Variants in TEAD4 observed in about 807,000 individuals in gnomAD.
TEAD4 encodes the protein TEA domain transcription factor 4, also known as transcriptional enhancer factor TEF-3.
Under a neutral mutation model 52.4 loss-of-function variants are expected in TEAD4, and 36 were observed. The observed-to-expected ratio is 0.69, with a 90% CI of 0.53 to 0.91. The LOEUF is 0.91. TEAD4 is among the 40% of genes least tolerant of loss of function. TEAD4 has a pLI of 0.00. For missense variants in TEAD4, 508 were observed against 583.9 expected, an observed-to-expected ratio of 0.87 and a Z score of 1.34; for synonymous variants, 220 against 231.0, an observed-to-expected ratio of 0.95 and a Z score of 0.43.
At chr12:2,988,785 C>T (rs1478101772) in intron 2 of TEAD4, among the ~76,000 whole-genome samples, 2 of 152,076 alleles carry the variant, frequency 1.3e-5, no homozygotes, top group Non-Finnish European at 2.9e-5. Context: ...TTTAATCAGT[C>T]ATGCCTATGT....
chr12:3,038,009 C>T lies in TEAD4; in HGVS notation c.939C>T (p.Phe313=), dbSNP rs773627938. The change falls in exon 11 of 13, where the codon TTC becomes TTT. Residue 313 remains phenylalanine, a synonymous_variant. Transcript: ENST00000359864. ...ACATCGAGGATGAAGGCAGCTCCTT[C>T]TATGGGGTCTCCAGCCAGTATGAGA... 1 of 1,614,180 alleles carries T rather than the reference C, an allele frequency of 6.2e-7. No individual in the cohort carries two copies. Among genetic ancestry groups the T allele is most frequent in the South Asian group, 1.1e-5 (1 of 91,070 alleles).
intron 2 of TEAD4, among the ~76,000 whole-genome samples, chr12:2,971,252 AGAG>A (rs1019921447): frequency 6.6e-6 from 1 of 152,112 alleles, no homozygotes; most frequent in African/African-American, 2.4e-5. Context: ...TTCTGTCCCA[AGAG>A]GAGGAGGCAG....
At chr12:3,018,316 C>T (rs1044058206) in intron 6 of TEAD4, among the ~76,000 whole-genome samples, 5 of 152,234 alleles carry the variant, frequency 3.3e-5, no homozygotes, top group African/African-American at 4.8e-5. Context: ...GTGTGGACCA[C>T]ACCTGGGTGC....
At chr12:3,020,529 C>A in intron 8 of TEAD4, 105 bp from the exon 9 acceptor site, 2 of 1,349,068 alleles carry the variant, frequency 1.5e-6, no homozygotes, top group Non-Finnish European at 1.9e-6. Flanking sequence ...GGCGGTCCCC[C>A]CAGGCAGCAC....
intron 5 of TEAD4, among the ~76,000 whole-genome samples, chr12:3,015,641 C>G (rs558963019): frequency 5.1e-4 from 78 of 152,340 alleles, no homozygotes; most frequent in African/African-American, 1.9e-3. Context: ...GCAGGGCTCA[C>G]CGTTGCTTCT....
intron 7 of TEAD4, among the ~76,000 whole-genome samples, 190 bp from the exon 8 acceptor site, chr12:3,018,925 C>T (rs921677447): frequency 1.3e-5 from 2 of 151,998 alleles, no homozygotes; most frequent in Non-Finnish European, 2.9e-5. Flanking sequence ...CTTCAGCAGA[C>T]ACGCTGTGTC....
intron 2 of TEAD4, among the ~76,000 whole-genome samples, chr12:2,983,636 C>G (rs1029796413): frequency 6.6e-6 from 1 of 152,186 alleles, no homozygotes; most frequent in Admixed American, 6.5e-5. Context: ...CTACAAGCCT[C>G]CAAAATAAGC....
At chr12:3,006,810 G>C (rs1358433476) in intron 3 of TEAD4, among the ~76,000 whole-genome samples, 1 of 152,104 alleles carries the variant, frequency 6.6e-6, no homozygotes, top group East Asian at 1.9e-4. Context: ...CAGATTACTT[G>C]AGGTCAGGAG....
chr12:3,015,122 A>G (rs1351921118), intron 5 of TEAD4, among the ~76,000 whole-genome samples: 2 of 152,182 alleles, frequency 1.3e-5, no homozygotes, highest in African/African-American at 2.4e-5. Flanking sequence ...GGAGGGGGCC[A>G]AGGGGGGCCA....
chr12:2,978,091 G>T (rs2098231201), intron 2 of TEAD4, among the ~76,000 whole-genome samples: 2 of 152,040 alleles, frequency 1.3e-5, no homozygotes, highest in African/African-American at 2.4e-5. Context: ...TTCTTTTCCA[G>T]CTGTAACCAG....
intron 4 of TEAD4, among the ~76,000 whole-genome samples, chr12:3,011,695 C>T (rs1379293036): frequency 2.6e-5 from 4 of 152,104 alleles, no homozygotes; most frequent in Non-Finnish European, 5.9e-5. Context: ...AGACAGAGTC[C>T]TGCTCTGTTG....
chr12:3,022,256 C>A (rs1263827993), intron 10 of TEAD4, among the ~76,000 whole-genome samples: 1 of 152,204 alleles, frequency 6.6e-6, no homozygotes, highest in Non-Finnish European at 1.5e-5. Flanking sequence ...GTGGGGATGG[C>A]AGCTAAGCCG....
intron 10 of TEAD4, among the ~76,000 whole-genome samples, chr12:3,034,194 G>A (rs949815930): frequency 1.4e-5 from 2 of 146,706 alleles, no homozygotes; most frequent in Admixed American, 6.7e-5. Context: ...GCACCTGAGC[G>A]ATGGGAAGAG....
intron 10 of TEAD4, among the ~76,000 whole-genome samples, chr12:3,037,261 T>G (rs1434761558): frequency 6.6e-6 from 1 of 152,148 alleles, no homozygotes; most frequent in African/African-American, 2.4e-5. Flanking sequence ...GTGACTTGAC[T>G]TCTGAAGAGA....
In TEAD4 at chr12:3,027,860, C is replaced by T. The variant is rs544655760; in HGVS notation, c.897+5843C>T. Among the ~76,000 whole-genome samples, 30 of 152,196 alleles carry T rather than the reference C, an allele frequency of 2.0e-4. No individual in the cohort carries two copies. In the South Asian group the frequency reaches 6.0e-3, roughly 31 times the overall value. ...GCAGCCTGGGTGACAGAGCAAGATC[C>T]CATCTCAAAAAATAAAGTATACAAT... On this transcript the variant is annotated intron_variant, in intron 10 of 12. Coordinates refer to ENST00000359864, the MANE Select transcript of TEAD4 (RefSeq NM_003213.4).
rs542733911 is a variant in TEAD4, at chr12:2,999,450, G to A, written c.226+4458G>A. On this transcript the variant is annotated intron_variant, in intron 3 of 12. Transcript: ENST00000359864. ...TAGGCCTGCTCCGAGCTCCGCCCAC[G>A]GAACATCCAGCATAGGACACGCTGA... 2.1e-3 allele frequency among the ~76,000 whole-genome samples: 318 copies of A among 152,314 alleles called. 2 individuals are homozygous for A. The highest frequency in any genetic ancestry group is 6.5e-3 in the African/African-American group (271 of 41,562).
rs2098219217 is a variant in TEAD4 at position 2,965,175 on chromosome 12, A to T, written c.-30+5135A>T. Reference sequence around the variant, plus strand: ...AGATTTTGTTTTTTAATGATTTTTTATTTTTTGAGACAGAGACTCACTTTG... The same window carrying T: ...AGATTTTGTTTTTTAATGATTTTTTTTTTTTTGAGACAGAGACTCACTTTG... On this transcript the variant is annotated intron_variant, in intron 2 of 12. Transcript: ENST00000359864. Among the ~76,000 whole-genome samples, 3 of 151,828 alleles carry T rather than the reference A, an allele frequency of 2.0e-5. No individual in the cohort carries two copies. The South Asian group carries it at 6.2e-4, about 32-fold the overall frequency.
Position 2,990,461 on chromosome 12 carries a change from C to CTTTTTTTTTTTTTTTTTTTTTT in TEAD4, c.-29-4271_-29-4250dup, listed in dbSNP as rs71057876. On this transcript the variant is annotated intron_variant, in intron 2 of 12. Coordinates refer to ENST00000359864, the MANE Select transcript of TEAD4 (RefSeq NM_003213.4). ...TAGAATTTAGGCTAAGACAGATAAT[C>CTTTTTTTTTTTTTTTTTTTTTT]TTTTTTTTTTTTTTTTTTTTTTTTT... 1.2e-4 allele frequency among the ~76,000 whole-genome samples: 8 copies of CTTTTTTTTTTTTTTTTTTTTTT among 67,038 alleles called. 3 individuals are homozygous for CTTTTTTTTTTTTTTTTTTTTTT. The highest frequency in any genetic ancestry group is 4.7e-4 in the African/African-American group (8 of 17,018). The allele number at this position is 67,038 out of a possible 152,430, so 44.0% of individuals were successfully genotyped here.
chr12:2,988,564 C>CCTTTCAGTG (rs1183428705), intron 2 of TEAD4, among the ~76,000 whole-genome samples: 4 of 150,914 alleles, frequency 2.7e-5, no homozygotes, highest in Non-Finnish European at 5.9e-5. Context: ...TGCCATACAA[C>CCTTTCAGTG]TCCTAAAATC....
Sources: allele counts gnomAD v4.1 joint callset (sites outside exome capture counted in the v4.1 genomes callset), GRCh38; gene constraint gnomAD v4.1.1; transcripts MANE v1.5; gene names NCBI Gene and HGNC (gene_info 2026-07-23, HGNC 2026-07-21).